LRRC59: variants seen among roughly 807,000 people sequenced by gnomAD.
LRRC59 encodes the protein leucine-rich repeat-containing protein 59.
Under a neutral mutation model 33.5 loss-of-function variants are expected in LRRC59, and 18 were observed. The ratio of observed to expected loss-of-function variants is 0.54; its 90% CI spans 0.37 to 0.80. The LOEUF (loss-of-function observed/expected upper bound fraction) is 0.80, where lower values mean the gene tolerates loss of function less well. Ranked by LOEUF, LRRC59 falls within the 30% of genes least tolerant of loss-of-function variation. The pLI is 0.00. For missense variants in LRRC59, 330 were observed against 391.9 expected, an observed-to-expected ratio of 0.84 and a Z score of 1.33; for synonymous variants, 138 against 160.0, an observed-to-expected ratio of 0.86 and a Z score of 1.04.
intron 4 of LRRC59, among the ~76,000 whole-genome samples, chr17:50,390,375 C>T (rs1914114410): frequency 6.6e-6 from 1 of 151,702 alleles, no homozygotes. Flanking sequence ...CCCTGTAATC[C>T]CAGCTACTTG....
At chr17:50,388,534 T>C (rs1914066065) in intron 4 of LRRC59, among the ~76,000 whole-genome samples, 1 of 151,508 alleles carries the variant, frequency 6.6e-6, no homozygotes, top group Non-Finnish European at 1.5e-5. Flanking sequence ...ACTGAGACCC[T>C]ATCTCAAAAC....
In LRRC59 at chr17:50,397,294, G is replaced by C. The variant is rs755047778; in HGVS notation, c.24C>G (p.Gly8=). The C allele has an allele frequency of 6.2e-7, 1 of 1,609,068 alleles. No homozygotes were observed. Among genetic ancestry groups the C allele is most frequent in the Non-Finnish European group, 8.5e-7 (1 of 1,178,128 alleles). ...CGTCCAGCTTGTCGCGGAGGTTCCC[G>C]CCCTTGCTACCGGCCTTGGTCATGG... MTKAGSK[G]GNLRDKLDGN... Residue 8 remains glycine (G), a synonymous_variant, in exon 1 of 7, where the codon GGC becomes GGG. Coordinates refer to ENST00000225972, the MANE Select transcript of LRRC59 (RefSeq NM_018509.4).
chr17:50,383,267 T>C (rs1296035905), intron 6 of LRRC59, 32 bp from the exon 7 acceptor site: 2 of 1,545,336 alleles, frequency 1.3e-6, no homozygotes, highest in South Asian at 2.4e-5. Flanking sequence ...ACAAAGCAAG[T>C]TCAGTCAGAG....
In LRRC59 at chr17:50,392,884, C is replaced by G; in HGVS notation, c.179G>C (p.Gly60Ala). The G allele has an allele frequency of 6.2e-7, 1 of 1,613,278 alleles. No individual in the cohort carries two copies. Residue 60 changes from glycine to alanine, a missense_variant, in exon 3 of 7, where the codon GGC becomes GCC. Transcript: ENST00000225972. ...GTCTAGCTTCACCAGGTGTGTGAGG[C>G]CACAGAAATCCGACTAGGATCCAAA... ...KLTTLPSDFC[G>A]LTHLVKLDLS... is the part of the protein sequence containing the mutation.
rs779231132 is a variant in LRRC59, at chr17:50,388,041, A to G, written c.502+19T>C. 13 of 1,613,470 alleles carry G rather than the reference A, an allele frequency of 8.1e-6. No homozygotes were observed. The highest frequency in any genetic ancestry group is 1.0e-5 in the Non-Finnish European group (12 of 1,179,518). ...GGATGAGGACCTGAAAGATAACTACAAGAGGGACAGCCACCTACCACGTTC... is the reference window on the plus strand; with the variant it reads ...GGATGAGGACCTGAAAGATAACTACGAGAGGGACAGCCACCTACCACGTTC... On this transcript the variant is annotated intron_variant, in intron 5 of 6. Transcript: ENST00000225972.
At chr17:50,384,981 C>G in intron 6 of LRRC59, 137 bp downstream of exon 6, 2 of 1,043,266 alleles carry the variant, frequency 1.9e-6, no homozygotes, top group Non-Finnish European at 2.8e-6. Flanking sequence ...GTAACCAAAC[C>G]TTCTCATCCA....
rs57027679 is a variant in LRRC59 at position 50,390,097 on chromosome 17, CAAA to C, written c.430-1968_430-1966del. Among the ~76,000 whole-genome samples, 335 of 85,286 alleles carry C rather than the reference CAAA, an allele frequency of 3.9e-3. 1 individual carries two copies. Among genetic ancestry groups the C allele is most frequent in the South Asian group, 9.9e-3 (22 of 2,232 alleles). The allele number at this position is 85,286 out of a possible 152,430, so 56.0% of individuals were successfully genotyped here. A position where few individuals can be genotyped will look rare whatever the true frequency, so the allele number is the denominator to read the frequency against. Reference sequence around the variant, plus strand: ...TGGACGATAGAGCGTGACTCTGTCTCAAAAAAAAAAAAAAAAAAAGAAAAAGGA... The same window carrying C: ...TGGACGATAGAGCGTGACTCTGTCTCAAAAAAAAAAAAAAAAGAAAAAGGA... On this transcript the variant is annotated intron_variant, in intron 4 of 6. Transcript: ENST00000225972.
chr17:50,384,960 C>A (rs1913965903), intron 6 of LRRC59, among the ~76,000 whole-genome samples, 158 bp downstream of exon 6: 1 of 152,066 alleles, frequency 6.6e-6, no homozygotes, highest in African/African-American at 2.4e-5. Context: ...TAGGAGAGTC[C>A]CCCATTCCCC....
intron 6 of LRRC59, among the ~76,000 whole-genome samples, chr17:50,384,205 T>C (rs1913945232): frequency 2.0e-5 from 3 of 151,996 alleles, no homozygotes; most frequent in Non-Finnish European, 4.4e-5. Flanking sequence ...GCAGGCCAAA[T>C]GACTCCTCTA....
rs147417786 is a variant in LRRC59 at position 50,386,875 on chromosome 17, A to G, written c.502+1185T>C. 1.4e-3 allele frequency among the ~76,000 whole-genome samples: 211 copies of G among 152,350 alleles called. 1 individual carries two copies. Among genetic ancestry groups the G allele is most frequent in the African/African-American group, 4.8e-3 (201 of 41,572 alleles). On this transcript the variant is annotated intron_variant, in intron 5 of 6. Transcript: ENST00000225972. The stretch of plus-strand genomic sequence containing the variant: ...TATTTTAAGGGCTTGAGATGCAGCA[A>G]TGGAGAAAACAGGCCACATTCCAGT...
intron 5 of LRRC59, among the ~76,000 whole-genome samples, chr17:50,387,017 C>A (rs1458202251): frequency 6.6e-6 from 1 of 152,172 alleles, no homozygotes; most frequent in African/African-American, 2.4e-5. Context: ...ACTCAGGAGG[C>A]TGAGGCAGGA....
chr17:50,396,854 C>A, intron 1 of LRRC59: 1 of 343,076 alleles, frequency 2.9e-6, no homozygotes, highest in Non-Finnish European at 5.2e-6. Context: ...GAACAAGTCA[C>A]TCATTCATTC....
At chr17:50,393,135 G>A (rs994667424) in intron 2 of LRRC59, among the ~76,000 whole-genome samples, 2 of 152,070 alleles carry the variant, frequency 1.3e-5, no homozygotes, top group African/African-American at 4.8e-5. Flanking sequence ...CACACACTTC[G>A]GTGTAACAGT....
rs754574601 is a variant in LRRC59 at position 50,392,837 on chromosome 17, G to A, written c.226C>T (p.Gln76Ter). 6.2e-7 allele frequency: 1 copy of A among 1,614,058 alleles called. No individual in the cohort carries two copies. Among genetic ancestry groups the A allele is most frequent in the South Asian group, 1.1e-5 (1 of 91,080 alleles). ...AGACGGCCAAAGTCTGCTGGCAGCT[G>A]CTGCAGCTTGTTCTTACTCAGGTCT... is the stretch of plus-strand genomic sequence containing the variant. ...KLDLSKNKLQ[Q>*]LPADFGRLVN... Residue 76 changes from glutamine to a stop codon, truncating the protein, a stop_gained, in exon 3 of 7, where the codon CAG (glutamine) becomes TAG (stop). Transcript: ENST00000225972. LOFTEE classifies it high-confidence loss of function.
At chr17:50,389,839 G>C (rs1344643229) in intron 4 of LRRC59, among the ~76,000 whole-genome samples, 1 of 152,156 alleles carries the variant, frequency 6.6e-6, no homozygotes, top group Admixed American at 6.5e-5. Flanking sequence ...GCTCACACCT[G>C]TAATCCCACA....
intron 5 of LRRC59, among the ~76,000 whole-genome samples, chr17:50,387,101 G>T (rs1914022584): frequency 6.7e-6 from 1 of 149,804 alleles, no homozygotes; most frequent in African/African-American, 2.5e-5. Flanking sequence ...CTGGGCAACA[G>T]AGCGAGACTC....
intron 6 of LRRC59, 98 bp downstream of exon 6, chr17:50,385,019 TA>T: frequency 1.5e-6 from 2 of 1,356,968 alleles, no homozygotes; most frequent in Non-Finnish European, 2.0e-6. Context: ...GTACTTTATC[TA>T]AGGTTTGCAG....
At chr17:50,391,029 A>C (rs1425012341) in intron 4 of LRRC59, among the ~76,000 whole-genome samples, 2 of 152,224 alleles carry the variant, frequency 1.3e-5, no homozygotes, top group Non-Finnish European at 2.9e-5. Flanking sequence ...GATGAATGAA[A>C]GGTGTGTATA....
chr17:50,385,256 T>G lies in LRRC59; in HGVS notation c.538A>C (p.Lys180Gln). ...EKKREAKQRA[K>Q]EAQERELRKR... ...CGCAGTTCCCGCTCCTGAGCTTCCT[T>G]AGCTCGCTGCTTAGCCTCACGCTTC... Residue 180 changes from lysine (K) to glutamine (Q), a missense_variant, in exon 6 of 7, where the codon AAG becomes CAG. By Grantham distance (53) the Lys-to-Gln change is moderately conservative. Transcript: ENST00000225972. 1 of 1,614,128 alleles carries G rather than the reference T, an allele frequency of 6.2e-7. No individual in the cohort carries two copies. The highest frequency in any genetic ancestry group is 8.5e-7 in the Non-Finnish European group (1 of 1,180,042).
Sources: allele counts gnomAD v4.1 joint callset (sites outside exome capture counted in the v4.1 genomes callset), GRCh38; gene constraint gnomAD v4.1.1; transcripts MANE v1.5; gene names NCBI Gene and HGNC (gene_info 2026-07-23, HGNC 2026-07-21).